CAST: variants seen among roughly 807,000 people sequenced by gnomAD.
CAST encodes MIR583 host.
A neutral mutation model predicts 119.6 loss-of-function variants in CAST; 76 were observed. That is an observed-to-expected ratio of 0.64 (90% CI 0.53 to 0.77). The LOEUF (loss-of-function observed/expected upper bound fraction) is 0.77. CAST is among the 30% of genes least tolerant of loss of function. CAST has a pLI of 0.00. For synonymous variants in CAST, 319 were observed against 331.6 expected, an observed-to-expected ratio of 0.96 and a Z score of 0.41; for missense variants, 953 against 946.5, an observed-to-expected ratio of 1.01 and a Z score of -0.09.
intron 18 of CAST, 64 bp from the exon 19 acceptor site, chr5:96,748,454 A>T: frequency 3.7e-6 from 3 of 809,472 alleles, no homozygotes; most frequent in Non-Finnish European, 3.9e-6. Context: ...TGCTCCATGA[A>T]AACTTTTTTT....
the CAST span, among the ~76,000 whole-genome samples, chr5:95,969,651 A>G: frequency 6.6e-6 from 1 of 152,184 alleles, no homozygotes; most frequent in Non-Finnish European, 1.5e-5. Flanking sequence ...CTGATTTGGC[A>G]GCTTTATTTG....
chr5:96,197,178 A>G, the CAST span, among the ~76,000 whole-genome samples: 1 of 152,136 alleles, frequency 6.6e-6, no homozygotes, highest in Admixed American at 6.6e-5. Context: ...CTTACTTTTT[A>G]TCAGGCTAAA....
chr5:96,412,383 C>G, the CAST span: 1 of 1,614,042 alleles, frequency 6.2e-7, no homozygotes, highest in Admixed American at 1.7e-5. Context: ...GTTTTCCCAT[C>G]ATCATTAGGG....
chr5:96,257,651 G>A, the CAST span, among the ~76,000 whole-genome samples: 1 of 152,140 alleles, frequency 6.6e-6, no homozygotes, highest in Non-Finnish European at 1.5e-5. Context: ...CTCACCCTTC[G>A]TTTGACTAAC....
intron 8 of CAST, among the ~76,000 whole-genome samples, chr5:96,730,189 T>A (rs1760159996): frequency 6.6e-6 from 1 of 152,234 alleles, no homozygotes; most frequent in South Asian, 2.1e-4. Flanking sequence ...ATTGCTTCCA[T>A]ACTTCTGTAG....
the CAST span, among the ~76,000 whole-genome samples, chr5:96,141,566 G>A: frequency 2.6e-4 from 40 of 152,164 alleles, no homozygotes; most frequent in Non-Finnish European, 5.3e-4. Flanking sequence ...GAGCAAACGC[G>A]GACACCCACA....
chr5:96,523,660 C>T (rs1013136541), upstream of CAST, among the ~76,000 whole-genome samples: 3 of 152,190 alleles, frequency 2.0e-5, no homozygotes, highest in African/African-American at 7.2e-5. Flanking sequence ...TTGTGAAGCT[C>T]TGTGAGTTGG....
chr5:96,565,077 G>GGGGT (rs1554068075), intron 1 of CAST, among the ~76,000 whole-genome samples: 7 of 148,642 alleles, frequency 4.7e-5, no homozygotes, highest in African/African-American at 1.2e-4. Flanking sequence ...ACATGGGAAA[G>GGGGT]GTGTGTGTGT....
chr5:96,268,688 C>T, the CAST span, among the ~76,000 whole-genome samples: 2 of 152,118 alleles, frequency 1.3e-5, no homozygotes, highest in African/African-American at 4.8e-5. Context: ...CAAGAAACCA[C>T]CTTCATCTTT....
At chr5:96,632,359 G>A (rs1398134445) in intron 1 of CAST, among the ~76,000 whole-genome samples, 2 of 150,300 alleles carry the variant, frequency 1.3e-5, no homozygotes, top group African/African-American at 4.9e-5. Context: ...TTTTGATGAA[G>A]CCCAATTTTT....
At chr5:96,387,322 C>G in the CAST span, among the ~76,000 whole-genome samples, 2 of 152,140 alleles carry the variant, frequency 1.3e-5, no homozygotes, top group Non-Finnish European at 2.9e-5. Flanking sequence ...AAAATAACAA[C>G]AGCAGGTTCA....
At chr5:96,568,396 C>T (rs1746510992) in intron 1 of CAST, among the ~76,000 whole-genome samples, 1 of 151,884 alleles carries the variant, frequency 6.6e-6, no homozygotes, top group Admixed American at 6.6e-5. Flanking sequence ...AGAACCTTAT[C>T]TCTATTAAAA....
At chr5:96,696,685 C>CAAAAAAAAAAAAAAAA in intron 3 of CAST, among the ~76,000 whole-genome samples, 1 of 19,484 alleles carries the variant, frequency 5.1e-5, no homozygotes, top group Non-Finnish European at 1.8e-4. Flanking sequence ...CCTTTCTCTC[C>CAAAAAAAAAAAAAAAA]TAAAAAAAAA....
the CAST span, among the ~76,000 whole-genome samples, chr5:96,185,530 G>A: frequency 2.0e-5 from 3 of 152,114 alleles, no homozygotes; most frequent in Admixed American, 6.5e-5. Context: ...TTTGTATATG[G>A]CATAAGGAAG....
At chr5:96,434,922 T>A in the CAST span, among the ~76,000 whole-genome samples, 1 of 152,260 alleles carries the variant, frequency 6.6e-6, no homozygotes, top group Non-Finnish European at 1.5e-5. Context: ...TTAAGTGTTT[T>A]ACAATAATGT....
chr5:96,146,401 T>C, the CAST span, among the ~76,000 whole-genome samples: 1 of 152,236 alleles, frequency 6.6e-6, no homozygotes, highest in Non-Finnish European at 1.5e-5. Flanking sequence ...TGTGTTAAAA[T>C]GCAGATTGCT....
intron 1 of CAST, among the ~76,000 whole-genome samples, chr5:96,567,475 T>C (rs922882980): frequency 6.6e-6 from 1 of 152,132 alleles, no homozygotes; most frequent in Non-Finnish European, 1.5e-5. Context: ...CCAGCAGGAA[T>C]TGCCTTCTCA....
the CAST span, among the ~76,000 whole-genome samples, chr5:96,181,421 T>C: frequency 2.6e-5 from 4 of 152,186 alleles, no homozygotes; most frequent in African/African-American, 7.2e-5. Context: ...TGCTGTCACT[T>C]TCTGAGTTAG....
At chr5:96,224,029 G>T in the CAST span, among the ~76,000 whole-genome samples, 2 of 152,230 alleles carry the variant, frequency 1.3e-5, no homozygotes, top group East Asian at 3.9e-4. Flanking sequence ...TTATAAAAAG[G>T]TAAAGAAAGG....
Sources: gnomAD v4.1 joint callset for allele counts (sites outside exome capture counted in the v4.1 genomes callset) on GRCh38, gnomAD v4.1.1 for gene constraint, MANE v1.5 for transcripts, NCBI Gene and HGNC (gene_info 2026-07-23, HGNC 2026-07-21) for gene names.